BACH2: variants seen among roughly 807,000 people sequenced by gnomAD.
The protein encoded by BACH2 is BACH transcriptional regulator 2, also known as transcription regulator protein BACH2.
A neutral mutation model predicts 61.8 loss-of-function variants in BACH2; 5 were observed. The ratio of observed to expected loss-of-function variants is 0.08; its 90% confidence interval spans 0.04 to 0.17. BACH2 has a LOEUF of 0.17. BACH2 is among the 10% of genes least tolerant of loss of function. The probability of loss-of-function intolerance (pLI) is 1.00; values close to 1 mark genes in which losing one functional copy is unlikely to be tolerated. For synonymous variants in BACH2, 446 were observed against 440.1 expected, an observed-to-expected ratio of 1.01 and a Z score of -0.17; for missense variants, 824 against 1,091.1, an observed-to-expected ratio of 0.76 and a Z score of 3.45.
intron 5 of BACH2, among the ~76,000 whole-genome samples, chr6:90,035,814 A>G (rs1013652566): frequency 3.3e-5 from 5 of 152,000 alleles, no homozygotes; most frequent in Non-Finnish European, 7.4e-5. Context: ...CAAAGATATT[A>G]AACAATTTAC....
chr6:89,973,006 C>T (rs1775454742), intron 6 of BACH2, among the ~76,000 whole-genome samples: 1 of 152,194 alleles, frequency 6.6e-6, no homozygotes, highest in Non-Finnish European at 1.5e-5. Context: ...AGGAGAATCG[C>T]TTGAAACCGG....
At chr6:90,015,048 C>T (rs1357749884) in intron 5 of BACH2, among the ~76,000 whole-genome samples, 1 of 151,450 alleles carries the variant, frequency 6.6e-6, no homozygotes. Flanking sequence ...CCACAAAGCA[C>T]TGGGATTACA....
At chr6:90,260,043 T>C (rs1265372382) in intron 2 of BACH2, among the ~76,000 whole-genome samples, 1 of 152,122 alleles carries the variant, frequency 6.6e-6, no homozygotes, top group Non-Finnish European at 1.5e-5. Context: ...TTTTCTATTA[T>C]CCATTTAGTT....
chr6:90,270,227 T>C (rs534390255), intron 2 of BACH2, among the ~76,000 whole-genome samples: 2 of 152,326 alleles, frequency 1.3e-5, no homozygotes, highest in African/African-American at 4.8e-5. Flanking sequence ...AATGACTTCT[T>C]TTCCTTTGGG....
chr6:90,247,106 G>C (rs1419321209), intron 3 of BACH2, among the ~76,000 whole-genome samples: 1 of 152,074 alleles, frequency 6.6e-6, no homozygotes, highest in Non-Finnish European at 1.5e-5. Context: ...TTATTGACCT[G>C]CATACTAACT....
chr6:90,019,591 C>T (rs751064422), intron 5 of BACH2, among the ~76,000 whole-genome samples: 102 of 146,970 alleles, frequency 6.9e-4, no homozygotes, highest in African/African-American at 2.5e-3. Flanking sequence ...TCACAAAGAG[C>T]GGGATACTGT....
At chr6:90,082,365 C>T (rs990210000) in intron 5 of BACH2, among the ~76,000 whole-genome samples, 7 of 151,996 alleles carry the variant, frequency 4.6e-5, no homozygotes, top group Non-Finnish European at 1.0e-4. Flanking sequence ...TACTGGTTGA[C>T]AGGAATTTCC....
In BACH2 at chr6:90,250,916, A is replaced by G. The variant is rs563524171; in HGVS notation, c.-275+1597T>C. Among the ~76,000 whole-genome samples, 5 of 152,322 alleles carry G rather than the reference A, an allele frequency of 3.3e-5. No individual in the cohort carries two copies. In the South Asian group the frequency reaches 1.0e-3, roughly 32 times the overall value. On this transcript the variant is annotated intron_variant, in intron 3 of 8. Transcript: ENST00000257749. ...TTTAATCACAACAACCTTAGCAGGA[A>G]GGCACTATTATTATTCTGTTTTACA...
intron 6 of BACH2, among the ~76,000 whole-genome samples, chr6:89,976,093 T>G (rs1190661383): frequency 6.6e-6 from 1 of 152,218 alleles, no homozygotes; most frequent in East Asian, 1.9e-4. Context: ...TTGTCATGCC[T>G]GAGTATCACT....
intron 4 of BACH2, among the ~76,000 whole-genome samples, chr6:90,201,959 C>T (rs1265611260): frequency 6.6e-6 from 1 of 152,186 alleles, no homozygotes; most frequent in Non-Finnish European, 1.5e-5. Flanking sequence ...CTTACACAAC[C>T]TCCAGTAGCT....
At chr6:90,261,115 C>G (rs1189518660) in intron 2 of BACH2, among the ~76,000 whole-genome samples, 1 of 152,166 alleles carries the variant, frequency 6.6e-6, no homozygotes, top group Non-Finnish European at 1.5e-5. Context: ...GGACACTACA[C>G]CCCTCAAACT....
At chr6:90,145,239 G>A (rs141078220) in intron 4 of BACH2, among the ~76,000 whole-genome samples, 14 of 152,210 alleles carry the variant, frequency 9.2e-5, no homozygotes, top group South Asian at 2.1e-4. Flanking sequence ...TCTGTACTTG[G>A]AATTTCTCAA....
chr6:90,125,724 A>G (rs937051547), intron 4 of BACH2, among the ~76,000 whole-genome samples: 3 of 152,082 alleles, frequency 2.0e-5, no homozygotes, highest in Non-Finnish European at 2.9e-5. Context: ...CCCCAGGGTG[A>G]CCTCAGGCCT....
intron 1 of BACH2, among the ~76,000 whole-genome samples, chr6:90,293,214 A>C (rs529410289): frequency 6.6e-6 from 1 of 152,336 alleles, no homozygotes; most frequent in Non-Finnish European, 1.5e-5. Context: ...ACACACAGGA[A>C]GATATTTATT....
intron 3 of BACH2, among the ~76,000 whole-genome samples, chr6:90,239,787 G>T (rs916564503): frequency 7.5e-6 from 1 of 134,116 alleles, no homozygotes; most frequent in South Asian, 2.5e-4. Context: ...TCCATAGTAA[G>T]GGGGGGGGAA....
At chr6:90,044,831 C>A (rs1158033382) in intron 5 of BACH2, among the ~76,000 whole-genome samples, 1 of 152,066 alleles carries the variant, frequency 6.6e-6, no homozygotes, top group African/African-American at 2.4e-5. Context: ...AAAGAGGAAA[C>A]CCCAGAGGAG....
chr6:89,967,966 T>C (rs9359877), intron 6 of BACH2, among the ~76,000 whole-genome samples: 46,526 of 152,066 alleles, frequency 0.31, 7,464 homozygotes, highest in East Asian at 0.55. Flanking sequence ...CTGCCTGGCC[T>C]TCCAAATTTC....
intron 4 of BACH2, among the ~76,000 whole-genome samples, chr6:90,092,289 AAAAT>A (rs1230246693): frequency 6.7e-4 from 17 of 25,294 alleles, no homozygotes; most frequent in Admixed American, 4.5e-3. Context: ...GTAAAAAAAA[AAAAT>A]ATATATATAT....
In BACH2 at chr6:90,296,363, C is replaced by T. The variant is rs965549545; in HGVS notation, c.-446+117G>A. On this transcript the variant is annotated intron_variant, in intron 1 of 8. Transcript: ENST00000257749. ...GCTGCGCGCCCGGCGGCCGGGGCTC[C>T]CTTCCCGCGCCGTTTCCCCACGCCT... The T allele has an allele frequency of 2.0e-3, 297 of 150,768 alleles. 3 individuals carry two copies. The highest frequency in any genetic ancestry group is 6.6e-3 in the African/African-American group (272 of 41,252). The allele number at this position is 150,768 out of a possible 1,614,324, so 9.3% of individuals were successfully genotyped here.
Sources: allele counts gnomAD v4.1 joint callset (sites outside exome capture counted in the v4.1 genomes callset), GRCh38; gene constraint gnomAD v4.1.1; transcripts MANE v1.5; gene names NCBI Gene and HGNC (gene_info 2026-07-23, HGNC 2026-07-21).